BCAS3: variants seen among roughly 807,000 people sequenced by gnomAD.
BCAS3 encodes the protein BCAS4/BCAS3 fusion.
Under a neutral mutation model 116.1 loss-of-function variants are expected in BCAS3, and 53 were observed. That is an observed-to-expected ratio of 0.46 (90% CI 0.37 to 0.57). The LOEUF is 0.57. Ranked by LOEUF, BCAS3 falls within the 20% of genes least tolerant of loss-of-function variation. BCAS3 has a pLI of 0.00. For missense variants in BCAS3, 917 were observed against 1,165.4 expected (o/e 0.79, Z 3.10); for synonymous variants, 391 against 408.2 (o/e 0.96, Z 0.51).
At chr17:60,762,677 T>C (rs1673673883) in intron 6 of BCAS3, among the ~76,000 whole-genome samples, 1 of 152,200 alleles carries the variant, frequency 6.6e-6, no homozygotes, top group Admixed American at 6.5e-5. Flanking sequence ...GTCTTGGCAA[T>C]GCGGGCTCTT....
chr17:61,131,121 T>G lies in BCAS3; in HGVS notation c.2425+46557T>G, dbSNP rs2076317295. 6.6e-6 allele frequency among the ~76,000 whole-genome samples: 1 copy of G among 152,214 alleles called. No individual in the cohort carries two copies. On this transcript the variant is annotated intron_variant, in intron 22 of 23. Transcript: ENST00000407086. This position sits in a 1 kb window ranked among gnomAD's most constrained non-coding sequence, Gnocchi z 4.4. ...AGAGTAAACTCTGCCACTACCTAGC[T>G]AGGTTGACCTTTAACAAGTCTATTT...
intron 5 of BCAS3, among the ~76,000 whole-genome samples, chr17:60,744,910 G>A (rs75485294): frequency 0.066 from 10,069 of 152,176 alleles, 980 homozygotes; most frequent in African/African-American, 0.21. Flanking sequence ...GCTGAAAAGT[G>A]TTGTATATTC....
chr17:60,970,469 T>G (rs1179058953), intron 14 of BCAS3, among the ~76,000 whole-genome samples: 1 of 152,138 alleles, frequency 6.6e-6, no homozygotes, highest in African/African-American at 2.4e-5. Flanking sequence ...TATAGAGACA[T>G]TAATATGATA....
In BCAS3 at chr17:61,262,007, A is replaced by G. The variant is rs186351164; in HGVS notation, c.2426-106320A>G. 2.4e-3 allele frequency among the ~76,000 whole-genome samples: 372 copies of G among 152,348 alleles called. 1 individual carries two copies. Among genetic ancestry groups the G allele is most frequent in the African/African-American group, 8.3e-3 (345 of 41,574 alleles). ...TTCTATTCAGTGTTATACTAGAAGT[A>G]CTACCCAGAGCAATGAAATAAGAAC... On this transcript the variant is annotated intron_variant, in intron 22 of 23. Coordinates refer to ENST00000407086, the MANE Select transcript of BCAS3 (RefSeq NM_017679.5).
At chr17:60,833,561 T>C (rs1001630749) in intron 7 of BCAS3, among the ~76,000 whole-genome samples, 3 of 152,214 alleles carry the variant, frequency 2.0e-5, no homozygotes, top group African/African-American at 7.2e-5. Flanking sequence ...ACTTATACTT[T>C]TGCATTGCAT....
chr17:60,733,564 G>A (rs1346764332), intron 5 of BCAS3, among the ~76,000 whole-genome samples: 2 of 152,092 alleles, frequency 1.3e-5, no homozygotes, highest in Non-Finnish European at 2.9e-5. Flanking sequence ...TGTTTGGTTG[G>A]GTGTGGTAGC....
chr17:60,688,815 C>CA (rs559951863), intron 3 of BCAS3: 4,663 of 87,072 alleles, frequency 0.054, 81 homozygotes, highest in Middle Eastern at 0.089. Context: ...GACTCTGTCT[C>CA]AAAAAAAAAA....
intron 22 of BCAS3, among the ~76,000 whole-genome samples, chr17:61,264,401 G>A (rs1260918634): frequency 1.3e-5 from 2 of 151,088 alleles, no homozygotes; most frequent in Non-Finnish European, 3.0e-5. Context: ...TAGTAACATA[G>A]GTAAGTCTTT....
chr17:60,844,304 A>G (rs1165854999), intron 7 of BCAS3, among the ~76,000 whole-genome samples: 3 of 152,202 alleles, frequency 2.0e-5, no homozygotes, highest in African/African-American at 7.2e-5. Flanking sequence ...GAATAAATTA[A>G]TGAGAATATA....
chr17:60,866,997 C>T (rs1184905471), intron 7 of BCAS3, among the ~76,000 whole-genome samples: 1 of 151,914 alleles, frequency 6.6e-6, no homozygotes, highest in African/African-American at 2.4e-5. Context: ...AATGCATTTC[C>T]ATATACATTC....
intron 11 of BCAS3, among the ~76,000 whole-genome samples, chr17:60,907,348 A>G (rs2058240872): frequency 6.6e-6 from 1 of 152,134 alleles, no homozygotes; most frequent in Admixed American, 6.6e-5. Flanking sequence ...GTGTGTTACC[A>G]GTGTGGTCAA....
At chr17:60,704,321 ACT>A (rs113906944) in intron 4 of BCAS3, among the ~76,000 whole-genome samples, 6,401 of 152,190 alleles carry the variant, frequency 0.042, 364 homozygotes, top group African/African-American at 0.13. Context: ...GGATAGACTA[ACT>A]CTATTGTTTT....
At position 61,017,643 on chromosome 17, in the gene BCAS3, C is replaced by T. The variant is rs187330161; in HGVS notation, c.1637+1742C>T. On this transcript the variant is annotated intron_variant, in intron 16 of 23. Transcript: ENST00000407086. The surrounding 1 kb of genome is among the most constrained non-coding windows in gnomAD (Gnocchi z 4.7). ...AGCTCTCTTTTTCTAATGAGCTTCT[C>T]CAAATATATCTCTGAAATAGTAACT... Among the ~76,000 whole-genome samples the T allele has an allele frequency of 2.6e-4, 40 of 152,166 alleles. No individual in the cohort carries two copies. The highest frequency in any genetic ancestry group is 9.6e-4 in the African/African-American group (40 of 41,506).
At chr17:60,742,947 A>C (rs1404174532) in intron 5 of BCAS3, among the ~76,000 whole-genome samples, 1 of 151,542 alleles carries the variant, frequency 6.6e-6, no homozygotes, top group Non-Finnish European at 1.5e-5. Flanking sequence ...CCCCGTCTCT[A>C]CTAAAAATAC....
chr17:61,357,483 C>T (rs1257001559), intron 22 of BCAS3, among the ~76,000 whole-genome samples: 1 of 147,804 alleles, frequency 6.8e-6, no homozygotes, highest in African/African-American at 2.5e-5. Context: ...CTTGCTTTGT[C>T]GCCCAGGCTG....
intron 19 of BCAS3, among the ~76,000 whole-genome samples, chr17:61,052,810 C>T (rs1871294700): frequency 6.6e-6 from 1 of 151,118 alleles, no homozygotes; most frequent in African/African-American, 2.4e-5. Context: ...CCTCTGCCTC[C>T]CGGATCAAGT....
intron 22 of BCAS3, among the ~76,000 whole-genome samples, chr17:61,129,227 G>A (rs1278330597): frequency 1.3e-5 from 2 of 152,222 alleles, no homozygotes; most frequent in Non-Finnish European, 2.9e-5. Flanking sequence ...CAAAAGAGCA[G>A]TGCTAAAAAT....
At chr17:61,174,925 T>A (rs914878719) in intron 22 of BCAS3, among the ~76,000 whole-genome samples, 3 of 152,214 alleles carry the variant, frequency 2.0e-5, no homozygotes, top group Admixed American at 2.0e-4. Context: ...TCAGTGGAAG[T>A]AAAGTCTAAT....
intron 5 of BCAS3, among the ~76,000 whole-genome samples, chr17:60,734,791 T>C (rs1016138502): frequency 1.3e-5 from 2 of 152,200 alleles, no homozygotes; most frequent in African/African-American, 4.8e-5. Context: ...TCCTTCGTAT[T>C]TAGTTGGCTA....
Sources: allele counts gnomAD v4.1 joint callset (sites outside exome capture counted in the v4.1 genomes callset), GRCh38; gene constraint gnomAD v4.1.1; non-coding constraint Gnocchi (gnomAD v3.1); transcripts MANE v1.5; gene names NCBI Gene and HGNC (gene_info 2026-07-23, HGNC 2026-07-21).